Variants in LSAMP observed in about 807,000 individuals in gnomAD.
LSAMP encodes limbic system-associated membrane protein.
In LSAMP, 7 loss-of-function variants were observed where a neutral mutation model predicts 38.6. The observed-to-expected ratio is 0.18, with a 90% CI of 0.10 to 0.34. The LOEUF (loss-of-function observed/expected upper bound fraction) is 0.34, where lower values mean the gene tolerates loss of function less well. LSAMP is among the 10% of genes least tolerant of loss of function. The pLI is 1.00. For synonymous variants in LSAMP, 154 were observed against 166.8 expected (o/e 0.92, Z 0.59); for missense variants, 313 against 420.0 (o/e 0.75, Z 2.23).
intron 1 of LSAMP, among the ~76,000 whole-genome samples, chr3:116,108,232 G>A (rs1328455564): frequency 4.6e-5 from 7 of 152,242 alleles, no homozygotes; most frequent in East Asian, 1.9e-4. Context: ...GCAATGAGAT[G>A]CAGCTGTAAT....
At chr3:115,868,173 A>G (rs980467084) in intron 3 of LSAMP, among the ~76,000 whole-genome samples, 1 of 152,154 alleles carries the variant, frequency 6.6e-6, no homozygotes, top group Non-Finnish European at 1.5e-5. Flanking sequence ...TGTCCTGTCT[A>G]CCTGGAGAAC....
chr3:116,112,157 CAG>C (rs1221039162), intron 1 of LSAMP, among the ~76,000 whole-genome samples: 1 of 152,122 alleles, frequency 6.6e-6, no homozygotes, highest in African/African-American at 2.4e-5. Flanking sequence ...ATAGCTATAA[CAG>C]AGAAATTAGA....
chr3:116,027,440 T>C (rs1469412903), intron 2 of LSAMP, among the ~76,000 whole-genome samples: 2 of 152,200 alleles, frequency 1.3e-5, no homozygotes, highest in African/African-American at 2.4e-5. Flanking sequence ...CCTTCAATTC[T>C]GTGTTATTTC....
chr3:116,348,627 A>AT (rs993227127), intron 1 of LSAMP, among the ~76,000 whole-genome samples: 12 of 152,230 alleles, frequency 7.9e-5, no homozygotes, highest in African/African-American at 2.9e-4. Flanking sequence ...TGTGACAGAC[A>AT]TTTTTTACCT....
chr3:115,987,057 C>T (rs1939529405), intron 3 of LSAMP, among the ~76,000 whole-genome samples: 1 of 152,082 alleles, frequency 6.6e-6, no homozygotes, highest in Non-Finnish European at 1.5e-5. Context: ...GGGTTTTCTC[C>T]CTTAGGGAGA....
chr3:115,935,571 G>A (rs1041156464), intron 3 of LSAMP, among the ~76,000 whole-genome samples: 85 of 152,124 alleles, frequency 5.6e-4, no homozygotes, highest in African/African-American at 1.4e-3. Context: ...ATTCTCCTGG[G>A]AAATGATTTA....
At chr3:116,041,493 G>A (rs1025061852) in intron 2 of LSAMP, among the ~76,000 whole-genome samples, 1 of 151,650 alleles carries the variant, frequency 6.6e-6, no homozygotes, top group African/African-American at 2.4e-5. Flanking sequence ...CAGTCCTTTT[G>A]CAAGTAAATG....
chr3:116,285,176 C>T (rs2047176753), intron 1 of LSAMP, among the ~76,000 whole-genome samples: 1 of 152,152 alleles, frequency 6.6e-6, no homozygotes, highest in Non-Finnish European at 1.5e-5. Context: ...CCTTCAACTT[C>T]CCCATCCCCA....
At chr3:116,388,263 T>C (rs974174281) in intron 1 of LSAMP, among the ~76,000 whole-genome samples, 1 of 152,162 alleles carries the variant, frequency 6.6e-6, no homozygotes, top group Non-Finnish European at 1.5e-5. Context: ...ATTTTTCAGA[T>C]TTCAGAAAAC....
chr3:116,012,835 T>A (rs1443065531), intron 3 of LSAMP, among the ~76,000 whole-genome samples: 2 of 152,216 alleles, frequency 1.3e-5, no homozygotes, highest in Non-Finnish European at 2.9e-5. Context: ...GAATTGCTAA[T>A]ACTGCACCAA....
At chr3:116,100,655 A>G (rs1354070671) in intron 1 of LSAMP, among the ~76,000 whole-genome samples, 1 of 152,154 alleles carries the variant, frequency 6.6e-6, no homozygotes, top group East Asian at 1.9e-4. Flanking sequence ...TCTGTCTTTC[A>G]TAGTGAACAG....
At chr3:116,328,273 T>C (rs2047801132) in intron 1 of LSAMP, among the ~76,000 whole-genome samples, 1 of 152,178 alleles carries the variant, frequency 6.6e-6, no homozygotes, top group Non-Finnish European at 1.5e-5. Context: ...ATGCTGTTCT[T>C]CTCTAAACCA....
chr3:116,413,373 C>G (rs983893573), intron 1 of LSAMP, among the ~76,000 whole-genome samples: 1 of 151,972 alleles, frequency 6.6e-6, no homozygotes, highest in Admixed American at 6.6e-5. Context: ...CCAAATAACA[C>G]TTTCTCATTT....
At chr3:116,302,761 A>G (rs1039798674) in intron 1 of LSAMP, among the ~76,000 whole-genome samples, 3 of 152,184 alleles carry the variant, frequency 2.0e-5, no homozygotes, top group Admixed American at 6.6e-5. Context: ...AAATAACATG[A>G]TGTGATTTCA....
chr3:115,889,160 G>T (rs1379393385), intron 3 of LSAMP, among the ~76,000 whole-genome samples: 1 of 151,978 alleles, frequency 6.6e-6, no homozygotes, highest in Non-Finnish European at 1.5e-5. Flanking sequence ...GGAATGGAAA[G>T]GTGAGCCTGA....
intron 3 of LSAMP, among the ~76,000 whole-genome samples, chr3:115,909,713 A>G (rs1272248024): frequency 6.6e-6 from 1 of 152,222 alleles, no homozygotes; most frequent in Non-Finnish European, 1.5e-5. Flanking sequence ...ATAGTGCCAC[A>G]AAGATAAAGC....
intron 1 of LSAMP, among the ~76,000 whole-genome samples, chr3:116,219,575 C>T (rs557913111): frequency 6.6e-6 from 1 of 152,228 alleles, no homozygotes; most frequent in Non-Finnish European, 1.5e-5. Context: ...CCCACCAACA[C>T]CTTACCAAGA....
intron 1 of LSAMP, among the ~76,000 whole-genome samples, chr3:116,187,712 C>A (rs1710653167): frequency 6.6e-6 from 1 of 152,138 alleles, no homozygotes; most frequent in Non-Finnish European, 1.5e-5. Context: ...AGCTTCTTTA[C>A]AATACCCATA....
intron 3 of LSAMP, among the ~76,000 whole-genome samples, chr3:115,875,066 CAA>C (rs1179122949): frequency 3.3e-5 from 5 of 152,020 alleles, no homozygotes. Context: ...CTTTTTATAA[CAA>C]ATTCAAAAGA....
Sources: allele counts gnomAD v4.1 joint callset (sites outside exome capture counted in the v4.1 genomes callset), GRCh38; gene constraint gnomAD v4.1.1; transcripts MANE v1.5; gene names NCBI Gene and HGNC (gene_info 2026-07-23, HGNC 2026-07-21).